Variants in TAF1B observed in about 807,000 individuals in gnomAD.
TAF1B encodes TATA box-binding protein-associated factor RNA polymerase I subunit B.
TAF1B carries 61 observed loss-of-function variants against 83.9 expected under a neutral mutation model. The observed-to-expected ratio is 0.73, with a 90% CI of 0.59 to 0.90. The LOEUF is 0.90. Among genes scored for constraint, TAF1B ranks in the 40% least tolerant of loss-of-function variants. The pLI is 0.00. For missense variants in TAF1B, 625 were observed against 677.0 expected, an observed-to-expected ratio of 0.92 and a Z score of 0.85; for synonymous variants, 221 against 224.6, an observed-to-expected ratio of 0.98 and a Z score of 0.14.
chr2:9,852,977 G>A (rs1318620872), intron 4 of TAF1B, among the ~76,000 whole-genome samples: 1 of 152,176 alleles, frequency 6.6e-6, no homozygotes. Context: ...AAGGCGTTAA[G>A]AATTAAAAAT....
At chr2:9,890,219 C>T (rs1462104925) in intron 8 of TAF1B, among the ~76,000 whole-genome samples, 10 of 152,202 alleles carry the variant, frequency 6.6e-5, no homozygotes, top group Admixed American at 6.5e-4. Flanking sequence ...TGTTTCTCTT[C>T]TCTAAGGGAT....
chr2:9,854,436 T>C lies in TAF1B; in HGVS notation c.399+15T>C. On this transcript the variant is annotated intron_variant, in intron 5 of 14. Transcript: ENST00000263663. ...GGAAACCTACGGTAAGTCACAAGTC[T>C]GAAAAGTTGGATTAAAAAACATGTC... The C allele has an allele frequency of 6.3e-7, 1 of 1,594,364 alleles. No homozygotes were observed. Among genetic ancestry groups the C allele is most frequent in the Non-Finnish European group, 8.6e-7 (1 of 1,162,250 alleles).
chr2:9,857,494 G>A (rs1663601358), intron 5 of TAF1B, among the ~76,000 whole-genome samples: 1 of 152,190 alleles, frequency 6.6e-6, no homozygotes, highest in Non-Finnish European at 1.5e-5. Flanking sequence ...CAGCTGAAGG[G>A]TAAGTGGGCC....
chr2:9,917,034 CG>C (rs1430792877), intron 12 of TAF1B, among the ~76,000 whole-genome samples: 1 of 151,838 alleles, frequency 6.6e-6, no homozygotes, highest in Non-Finnish European at 1.5e-5. Context: ...ACTAAAGAGA[CG>C]GGGTTTCTCC....
In TAF1B at chr2:9,911,551, A is replaced by C; in HGVS notation, c.1174A>C (p.Lys392Gln). The change falls in exon 11 of 15, where the codon AAA (lysine) becomes CAA (glutamine). Residue 392 changes from lysine to glutamine, a missense_variant. Coordinates refer to ENST00000263663, the MANE Select transcript of TAF1B (RefSeq NM_005680.3). ...TGCTGAAAAGCATAATGAAAAGAACAAAAAAGGTATTTTAATTTTTTATCA... is the reference window on the plus strand; with the variant it reads ...TGCTGAAAAGCATAATGAAAAGAACCAAAAAGGTATTTTAATTTTTTATCA... ...NLAEKHNEKN[K>Q]KDKPWFDFRK... 1 of 1,519,674 alleles carries C rather than the reference A, an allele frequency of 6.6e-7. No homozygotes were observed. The highest frequency in any genetic ancestry group is 2.3e-5 in the East Asian group (1 of 43,024). The allele number at this position is 1,519,674 out of a possible 1,614,324, so 94.1% of individuals were successfully genotyped here.
intron 6 of TAF1B, among the ~76,000 whole-genome samples, chr2:9,873,441 A>G (rs952640333): frequency 6.6e-6 from 1 of 152,106 alleles, no homozygotes; most frequent in Non-Finnish European, 1.5e-5. Flanking sequence ...ACCTAATACC[A>G]TAGCTTTAAC....
At chr2:9,911,284 GATT>G (rs1168166285) in intron 10 of TAF1B, among the ~76,000 whole-genome samples, 2 of 152,104 alleles carry the variant, frequency 1.3e-5, no homozygotes, top group African/African-American at 4.8e-5. Flanking sequence ...TGTTCTCAAA[GATT>G]ATTTTAGAAA....
chr2:9,903,381 T>C (rs392617), intron 8 of TAF1B, among the ~76,000 whole-genome samples: 76,980 of 151,826 alleles, frequency 0.51, 22,827 homozygotes, highest in Non-Finnish European at 0.68. Context: ...CACCGTACCC[T>C]GGCCACTCTA....
At chr2:9,895,813 CTT>C (rs34044860) in intron 8 of TAF1B, among the ~76,000 whole-genome samples, 21,662 of 112,014 alleles carry the variant, frequency 0.19, 2,006 homozygotes, top group East Asian at 0.32. Context: ...GCACTGCACT[CTT>C]TTTTTTTTTT....
chr2:9,861,160 C>T (rs1450054590), intron 5 of TAF1B, among the ~76,000 whole-genome samples: 2 of 152,244 alleles, frequency 1.3e-5, no homozygotes, highest in Non-Finnish European at 2.9e-5. Context: ...ATCGCCTCAC[C>T]CGGGAACTGC....
chr2:9,875,665 C>G (rs1288329753), intron 6 of TAF1B, among the ~76,000 whole-genome samples, 200 bp from the exon 7 acceptor site: 1 of 152,068 alleles, frequency 6.6e-6, no homozygotes, highest in African/African-American at 2.4e-5. Flanking sequence ...AAAAAACCCG[C>G]CCCCATGATT....
intron 8 of TAF1B, among the ~76,000 whole-genome samples, chr2:9,891,522 C>G (rs1467637631): frequency 6.6e-6 from 1 of 151,896 alleles, no homozygotes; most frequent in African/African-American, 2.4e-5. Context: ...GTTACTGTTA[C>G]TGGTTTATGT....
At chr2:9,866,195 A>C (rs993175441) in intron 5 of TAF1B, among the ~76,000 whole-genome samples, 7 of 151,964 alleles carry the variant, frequency 4.6e-5, no homozygotes, top group Non-Finnish European at 8.8e-5. Context: ...CATCTGACAA[A>C]GGGCTAATAT....
At chr2:9,920,020 C>T (rs1169712445) in intron 14 of TAF1B, among the ~76,000 whole-genome samples, 200 bp downstream of exon 14, 1 of 152,008 alleles carries the variant, frequency 6.6e-6, no homozygotes, top group Non-Finnish European at 1.5e-5. Context: ...ACAAACTATC[C>T]CCTCTAGCTA....
At chr2:9,866,437 C>T (rs1425033032) in intron 5 of TAF1B, among the ~76,000 whole-genome samples, 1 of 151,046 alleles carries the variant, frequency 6.6e-6, no homozygotes, top group East Asian at 1.9e-4. Flanking sequence ...CAGGAAACAA[C>T]AGGTGCTGGA....
chr2:9,866,980 A>G (rs1664000565), intron 5 of TAF1B, among the ~76,000 whole-genome samples: 1 of 152,152 alleles, frequency 6.6e-6, no homozygotes, highest in Non-Finnish European at 1.5e-5. Flanking sequence ...AGATATACCT[A>G]ATGCTAAATG....
chr2:9,924,691 G>T (rs1287947747), intron 14 of TAF1B, among the ~76,000 whole-genome samples: 2 of 152,192 alleles, frequency 1.3e-5, no homozygotes, highest in East Asian at 1.9e-4. Flanking sequence ...CATTGAAAAT[G>T]ATTACAATGA....
intron 6 of TAF1B, among the ~76,000 whole-genome samples, chr2:9,871,444 T>G (rs985230086): frequency 7.2e-5 from 11 of 152,184 alleles, no homozygotes; most frequent in Admixed American, 2.6e-4. Context: ...ATTTTTTATT[T>G]TCTGCATCCC....
chr2:9,889,578 C>G (rs1332684134), intron 8 of TAF1B, among the ~76,000 whole-genome samples: 1 of 151,852 alleles, frequency 6.6e-6, no homozygotes, highest in Non-Finnish European at 1.5e-5. Context: ...ATTTCTGGGT[C>G]TGTTTTATTG....
Sources: allele counts gnomAD v4.1 joint callset (sites outside exome capture counted in the v4.1 genomes callset), GRCh38; gene constraint gnomAD v4.1.1; transcripts MANE v1.5; gene names NCBI Gene and HGNC (gene_info 2026-07-23, HGNC 2026-07-21).